The following KCNH8 variants were observed in gnomAD, a reference collection of about 807,000 sequenced individuals.
KCNH8 encodes the protein potassium voltage-gated channel subfamily H member 8.
Under a neutral mutation model 103.6 loss-of-function variants are expected in KCNH8, and 70 were observed. The ratio of observed to expected loss-of-function variants is 0.68; its 90% CI spans 0.56 to 0.82. KCNH8 has a LOEUF of 0.82. Ranked by LOEUF, KCNH8 falls within the 40% of genes least tolerant of loss-of-function variation. The pLI, the probability that KCNH8 is intolerant of heterozygous loss-of-function variation, is 0.00. For missense variants in KCNH8, 1,217 were observed against 1,329.9 expected, an observed-to-expected ratio of 0.92 and a Z score of 1.32; for synonymous variants, 498 against 489.4, an observed-to-expected ratio of 1.02 and a Z score of -0.23.
intron 8 of KCNH8, among the ~76,000 whole-genome samples, chr3:19,443,921 A>G (rs2067321838): frequency 6.6e-6 from 1 of 152,132 alleles, no homozygotes; most frequent in South Asian, 2.1e-4. Context: ...ATGGTTGCTA[A>G]CAATGGACTC....
chr3:19,525,196 ATTTT>A (rs2069043347), intron 15 of KCNH8, among the ~76,000 whole-genome samples: 1 of 151,884 alleles, frequency 6.6e-6, no homozygotes. Context: ...AATATATATT[ATTTT>A]TGTCAATTTA....
intron 11 of KCNH8, among the ~76,000 whole-genome samples, chr3:19,507,778 T>C (rs1275078426): frequency 6.6e-6 from 1 of 152,138 alleles, no homozygotes; most frequent in Non-Finnish European, 1.5e-5. Context: ...CAGTCCCTTG[T>C]CACCACGTAC....
intron 7 of KCNH8, among the ~76,000 whole-genome samples, chr3:19,419,230 C>T (rs183127713): frequency 0.02 from 2,402 of 122,834 alleles, 77 homozygotes; most frequent in African/African-American, 0.068. Flanking sequence ...GACGGAGTCT[C>T]GCTCTGTCGC....
At chr3:19,423,826 G>A (rs1257571883) in intron 7 of KCNH8, among the ~76,000 whole-genome samples, 1 of 152,072 alleles carries the variant, frequency 6.6e-6, no homozygotes, top group African/African-American at 2.4e-5. Context: ...TCAAATGGTA[G>A]TTCTACTTTT....
chr3:19,348,241 G>A (rs536153355), intron 5 of KCNH8, among the ~76,000 whole-genome samples: 1 of 152,126 alleles, frequency 6.6e-6, no homozygotes, highest in African/African-American at 2.4e-5. Flanking sequence ...CAGCTGTTTT[G>A]TTTGTACTCT....
chr3:19,507,922 T>C (rs996676099), intron 11 of KCNH8, among the ~76,000 whole-genome samples: 4 of 152,320 alleles, frequency 2.6e-5, no homozygotes, highest in Admixed American at 1.3e-4. Flanking sequence ...CTTACTATTT[T>C]CGGGTATATT....
At chr3:19,364,945 T>A (rs923933461) in intron 5 of KCNH8, among the ~76,000 whole-genome samples, 20 of 152,118 alleles carry the variant, frequency 1.3e-4, no homozygotes, top group African/African-American at 4.8e-4. Flanking sequence ...TCCTTAACCA[T>A]ATGAAACTGC....
At chr3:19,306,843 A>G (rs775107624) in intron 3 of KCNH8, among the ~76,000 whole-genome samples, 14 of 152,122 alleles carry the variant, frequency 9.2e-5, no homozygotes, top group Non-Finnish European at 1.6e-4. Context: ...TCCTTTAATT[A>G]TCAACAAAAG....
At chr3:19,192,561 C>T (rs1469787484) in intron 1 of KCNH8, among the ~76,000 whole-genome samples, 3 of 151,624 alleles carry the variant, frequency 2.0e-5, no homozygotes, top group Non-Finnish European at 3.0e-5. Flanking sequence ...TCCCATATTA[C>T]CAGTGCTCTT....
chr3:19,313,190 G>T (rs1164987130), intron 3 of KCNH8, among the ~76,000 whole-genome samples: 2 of 151,884 alleles, frequency 1.3e-5, no homozygotes, highest in Admixed American at 1.3e-4. Flanking sequence ...GTCCTGACAA[G>T]GCAGGCACTC....
At chr3:19,170,665 CATAT>C (rs775210363) in intron 1 of KCNH8, among the ~76,000 whole-genome samples, 1 of 116,898 alleles carries the variant, frequency 8.6e-6, no homozygotes, top group Non-Finnish European at 1.8e-5. Context: ...TATATACACA[CATAT>C]ATATACACAC....
At chr3:19,308,264 A>G (rs1249800784) in intron 3 of KCNH8, among the ~76,000 whole-genome samples, 1 of 147,914 alleles carries the variant, frequency 6.8e-6, no homozygotes, top group Admixed American at 6.7e-5. Context: ...GACATAAAAC[A>G]GGGAACAGGG....
At chr3:19,441,446 G>T (rs1028672968) in intron 8 of KCNH8, among the ~76,000 whole-genome samples, 1 of 152,154 alleles carries the variant, frequency 6.6e-6, no homozygotes, top group Non-Finnish European at 1.5e-5. Flanking sequence ...TCTTCCAACT[G>T]ATGCAGATTG....
chr3:19,336,536 A>G (rs1317014542), intron 3 of KCNH8, among the ~76,000 whole-genome samples: 1 of 151,890 alleles, frequency 6.6e-6, no homozygotes, highest in Non-Finnish European at 1.5e-5. Context: ...ATTAACATTA[A>G]CATTATTAAT....
Position 19,533,459 on chromosome 3 carries a change from T to C in KCNH8, c.2684T>C (p.Leu895Pro), listed in dbSNP as rs2069203145. The C allele has an allele frequency of 1.9e-6, 3 of 1,614,070 alleles. No individual in the cohort carries two copies. Among genetic ancestry groups the C allele is most frequent in the Non-Finnish European group, 2.5e-6 (3 of 1,180,042 alleles). ...GACATGAGAAATGTGATCCAGCTTCTGGAAAACGTTCTGTCACCTCAGCAG... is the reference window on the plus strand; with the variant it reads ...GACATGAGAAATGTGATCCAGCTTCCGGAAAACGTTCTGTCACCTCAGCAG... ...GKDMRNVIQL[L>P]ENVLSPQQPS... is the part of the protein sequence containing the mutation. Residue 895 changes from leucine (L) to proline (P), a missense_variant, in exon 16 of 16, where the codon CTG becomes CCG. Physicochemically the swap from Leu to Pro is moderately conservative, Grantham distance 98. Coordinates refer to ENST00000328405, the MANE Select transcript of KCNH8 (RefSeq NM_144633.3).
At chr3:19,298,670 C>A (rs1465823943) in intron 3 of KCNH8, among the ~76,000 whole-genome samples, 1 of 152,136 alleles carries the variant, frequency 6.6e-6, no homozygotes, top group Admixed American at 6.5e-5. Flanking sequence ...CGCCTGTAAT[C>A]CCAGCACTTT....
At position 19,281,294 on chromosome 3, in the gene KCNH8, C is replaced by T; in HGVS notation, c.407C>T (p.Thr136Ile). The change falls in exon 3 of 16, where the codon ACA (threonine) becomes ATA (isoleucine). Residue 136 changes from threonine to isoleucine, a missense_variant. Coordinates refer to ENST00000328405, the MANE Select transcript of KCNH8 (RefSeq NM_144633.3). ...FLASFKDITD[T>I]KVKITPEDKK... ...GCCTCGTTCAAAGATATAACAGATA[C>T]AAAAGTGAAGATTACTCCAGAAGAT... 1.2e-6 allele frequency: 2 copies of T among 1,608,622 alleles called. No homozygotes were observed. Among genetic ancestry groups the T allele is most frequent in the South Asian group, 2.2e-5 (2 of 90,086 alleles).
At chr3:19,176,998 A>G (rs1177389627) in intron 1 of KCNH8, among the ~76,000 whole-genome samples, 2 of 152,268 alleles carry the variant, frequency 1.3e-5, no homozygotes, top group East Asian at 3.9e-4. Flanking sequence ...CAATAGCACT[A>G]TAACTCATGC....
intron 5 of KCNH8, among the ~76,000 whole-genome samples, chr3:19,372,756 G>T (rs548967638): frequency 6.6e-6 from 1 of 152,022 alleles, no homozygotes; most frequent in Admixed American, 6.6e-5. Flanking sequence ...GTTTGTCATA[G>T]ATAGCTCTTA....
Sources: gnomAD v4.1 joint callset for allele counts (sites outside exome capture counted in the v4.1 genomes callset) on GRCh38, gnomAD v4.1.1 for gene constraint, MANE v1.5 for transcripts, NCBI Gene and HGNC (gene_info 2026-07-23, HGNC 2026-07-21) for gene names.